Variants in PTPRB observed in about 807,000 individuals in gnomAD.
The protein encoded by PTPRB is protein tyrosine phosphatase receptor type B.
A neutral mutation model predicts 238.1 loss-of-function variants in PTPRB; 97 were observed. That is an observed-to-expected ratio of 0.41 (90% confidence interval 0.35 to 0.48). PTPRB has a LOEUF of 0.48. Ranked by LOEUF, PTPRB falls within the 20% of genes least tolerant of loss-of-function variation. PTPRB has a pLI of 0.30. For missense variants in PTPRB, 2,292 were observed against 2,681.9 expected, an observed-to-expected ratio of 0.85 and a Z score of 3.21; for synonymous variants, 970 against 995.4, an observed-to-expected ratio of 0.97 and a Z score of 0.48.
rs996043293 is a variant in PTPRB, at chr12:70,555,141, T to C, written c.5143+19A>G. On this transcript the variant is annotated intron_variant, in intron 20 of 33. Coordinates refer to ENST00000334414, the MANE Select transcript of PTPRB (RefSeq NM_001109754.4). ...AGCAATTCTGTGTCTCAGAGTGGAG[T>C]TAACTCATGATAACTTACCATCAGC... The C allele has an allele frequency of 3.7e-6, 6 of 1,609,444 alleles. No individual in the cohort carries two copies. Among genetic ancestry groups the C allele is most frequent in the Non-Finnish European group, 5.1e-6 (6 of 1,177,528 alleles).
intron 32 of PTPRB, among the ~76,000 whole-genome samples, chr12:70,528,662 A>AAAT (rs1014389964): frequency 6.6e-6 from 1 of 152,150 alleles, no homozygotes; most frequent in African/African-American, 2.4e-5. Flanking sequence ...AACAAACAAA[A>AAAT]AATAGAAATA....
chr12:70,601,790 C>CTTT (rs200227553), intron 4 of PTPRB, among the ~76,000 whole-genome samples: 6 of 127,556 alleles, frequency 4.7e-5, no homozygotes, highest in Admixed American at 8.4e-5. Flanking sequence ...TTTCTTTTTT[C>CTTT]TTTTTTTTTT....
Position 70,560,158 on chromosome 12 carries a change from T to A in PTPRB, c.4432+513A>T, listed in dbSNP as rs1464573476. ...AGCCTCATATACCTTTTCTTAAATA[T>A]TCATAGCCAGATCTTCCTTACCATG... On this transcript the variant is annotated intron_variant, in intron 17 of 33. Coordinates refer to ENST00000334414, the MANE Select transcript of PTPRB (RefSeq NM_001109754.4). This position sits in a 1 kb window ranked among gnomAD's most constrained non-coding sequence, Gnocchi z 4.2. 1.3e-5 allele frequency among the ~76,000 whole-genome samples: 2 copies of A among 152,156 alleles called. No individual in the cohort carries two copies. The highest frequency in any genetic ancestry group is 1.3e-4 in the Admixed American group (2 of 15,262).
chr12:70,521,425 G>T lies in PTPRB; in HGVS notation c.*64C>A. The T allele has an allele frequency of 1.4e-6, 2 of 1,396,330 alleles. No homozygotes were observed. The highest frequency in any genetic ancestry group is 1.9e-6 in the Non-Finnish European group (2 of 1,033,964). The allele number at this position is 1,396,330 out of a possible 1,614,324, so 86.5% of individuals were successfully genotyped here. The stretch of plus-strand genomic sequence containing the variant: ...AGCTGGCACCTCTGTAGGGCATGAA[G>T]CAAGTTTTTAAAAACAAATCACACA... On this transcript the variant is annotated 3_prime_UTR_variant, in exon 34 of 34. Transcript: ENST00000334414.
chr12:70,590,116 T>A lies in PTPRB; in HGVS notation c.1898A>T (p.Asp633Val), dbSNP rs993770642. The A allele has an allele frequency of 2.5e-6, 4 of 1,613,820 alleles. No homozygotes were observed. The highest frequency in any genetic ancestry group is 3.4e-6 in the Non-Finnish European group (4 of 1,179,868). ...AGTGATGTTGAGCAGCACCACAGAA[T>A]CATTGAAGAGTAGGATCCGATACTG... is the stretch of plus-strand genomic sequence containing the variant. ...WEQYRILLFN[D>V]SVVLLNITVG... Residue 633 changes from aspartate (D) to valine (V), a missense_variant, in exon 8 of 34, where the codon GAT (aspartate) becomes GTT (valine). Physicochemically the swap from Asp to Val is radical, Grantham distance 152. Transcript: ENST00000334414.
intron 17 of PTPRB, 53 bp from the exon 18 acceptor site, chr12:70,559,677 A>T: frequency 6.7e-7 from 1 of 1,482,918 alleles, no homozygotes; most frequent in African/African-American, 1.4e-5. Context: ...GCCATAACAT[A>T]TACAAATAAG....
chr12:70,628,383 G>C (rs1448474592), intron 2 of PTPRB, among the ~76,000 whole-genome samples: 1 of 152,166 alleles, frequency 6.6e-6, no homozygotes, highest in Non-Finnish European at 1.5e-5. Context: ...AAGGAGACTT[G>C]ACATTCCTTC....
chr12:70,622,066 G>T (rs535052413), intron 3 of PTPRB, among the ~76,000 whole-genome samples: 1 of 152,242 alleles, frequency 6.6e-6, no homozygotes, highest in South Asian at 2.1e-4. Flanking sequence ...TGCCTGCAGG[G>T]CACTGATTTC....
chr12:70,521,877 T>A (rs1386895016), intron 33 of PTPRB, among the ~76,000 whole-genome samples: 1 of 152,132 alleles, frequency 6.6e-6, no homozygotes, highest in Non-Finnish European at 1.5e-5. Context: ...TTAGCTTCTT[T>A]CAGGAGTGCT....
rs771808992 is a variant in PTPRB at position 70,572,017 on chromosome 12, C to G, written c.2913G>C (p.Val971=). 2 of 1,613,584 alleles carry G rather than the reference C, an allele frequency of 1.2e-6. No individual in the cohort carries two copies. The highest frequency in any genetic ancestry group is 1.7e-6 in the Non-Finnish European group (2 of 1,179,646). The change falls in exon 12 of 34, where the codon GTG becomes GTC. Residue 971 remains valine (V), a synonymous_variant. Transcript: ENST00000334414. The part of the protein sequence containing the change: ...ARSDYLRVSW[V]HATGDFDHYE... ...AGTGATCAAAGTCTCCAGTGGCATG[C>G]ACCCAGGATACCCTTAAATAGTCAC...
chr12:70,520,791 T>G lies in PTPRB; in HGVS notation c.*698A>C, dbSNP rs1592374565. 1.3e-5 allele frequency: 2 copies of G among 152,748 alleles called. No homozygotes were observed. The highest frequency in any genetic ancestry group is 3.8e-4 in the East Asian group (2 of 5,212). The allele number at this position is 152,748 out of a possible 1,614,324, so 9.5% of individuals were successfully genotyped here. ...TTGGAATCATTCTCTATCAGAACCCTCAACCCTGCATCCTACCATCCTGGG... is the reference window on the plus strand; with the variant it reads ...TTGGAATCATTCTCTATCAGAACCCGCAACCCTGCATCCTACCATCCTGGG... On this transcript the variant is annotated 3_prime_UTR_variant, in exon 34 of 34. Coordinates refer to ENST00000334414, the MANE Select transcript of PTPRB (RefSeq NM_001109754.4).
At chr12:70,591,234 C>A (rs1258230007) in intron 7 of PTPRB, among the ~76,000 whole-genome samples, 1 of 151,832 alleles carries the variant, frequency 6.6e-6, no homozygotes, top group Non-Finnish European at 1.5e-5. Flanking sequence ...CCGCACCCTG[C>A]TCCCATTTCC....
chr12:70,534,993 A>G (rs1372039203), intron 29 of PTPRB, 38 bp from the exon 30 acceptor site: 1 of 1,586,412 alleles, frequency 6.3e-7, no homozygotes, highest in Middle Eastern at 1.7e-4. Flanking sequence ...GAGTCCGGAA[A>G]AGTGACTCCT....
At chr12:70,582,084 TAAC>T (rs1202102858) in intron 9 of PTPRB, among the ~76,000 whole-genome samples, 1 of 152,112 alleles carries the variant, frequency 6.6e-6, no homozygotes, top group Non-Finnish European at 1.5e-5. Flanking sequence ...TTTTCCTAAT[TAAC>T]AACATTTATT....
At chr12:70,603,407 A>G (rs1414746840) in intron 4 of PTPRB, among the ~76,000 whole-genome samples, 1 of 152,196 alleles carries the variant, frequency 6.6e-6, no homozygotes, top group Non-Finnish European at 1.5e-5. Context: ...ATTTTATAAG[A>G]TATTTGGTCC....
chr12:70,578,586 T>C (rs75121008), intron 10 of PTPRB, among the ~76,000 whole-genome samples: 11,152 of 152,072 alleles, frequency 0.073, 646 homozygotes, highest in African/African-American at 0.16. Flanking sequence ...AATGCTTCTA[T>C]TATATAATAT....
intron 10 of PTPRB, among the ~76,000 whole-genome samples, chr12:70,579,851 C>T (rs934129446): frequency 3.3e-5 from 5 of 152,006 alleles, no homozygotes; most frequent in Non-Finnish European, 7.4e-5. Context: ...AGTTAATGTC[C>T]TCTGGGTTCA....
In PTPRB at chr12:70,635,986, T is replaced by C. The variant is rs773752940; in HGVS notation, c.136A>G (p.Thr46Ala). The change falls in exon 2 of 34, where the codon ACC (threonine) becomes GCC (alanine). Residue 46 changes from threonine to alanine, a missense_variant. By Grantham distance (58) the Thr-to-Ala change is moderately conservative. Coordinates refer to ENST00000334414, the MANE Select transcript of PTPRB (RefSeq NM_001109754.4). ...EKVVVGSCNR[T>A]IQNQQWMWTE... The stretch of plus-strand genomic sequence containing the variant: ...CACATCCACTGCTGGTTCTGGATGG[T>C]CCTGTTGCATGAGCCCACGACCACT... 2.5e-6 allele frequency: 4 copies of C among 1,613,414 alleles called. No homozygotes were observed. The African/African-American group carries it at 5.3e-5, about 22-fold the overall frequency.
chr12:70,612,994 A>T (rs1884527010), intron 3 of PTPRB, among the ~76,000 whole-genome samples: 1 of 152,162 alleles, frequency 6.6e-6, no homozygotes, highest in Non-Finnish European at 1.5e-5. Flanking sequence ...TCTCAAAAAA[A>T]GTTATTAATT....
Sources: allele counts gnomAD v4.1 joint callset (sites outside exome capture counted in the v4.1 genomes callset), GRCh38; gene constraint gnomAD v4.1.1; non-coding constraint Gnocchi (gnomAD v3.1); transcripts MANE v1.5; gene names NCBI Gene and HGNC (gene_info 2026-07-23, HGNC 2026-07-21).